The following ZDHHC21 variants were observed in gnomAD, a reference collection of about 807,000 sequenced individuals.
The protein encoded by ZDHHC21 is zDHHC palmitoyltransferase 21.
A neutral mutation model predicts 34.6 loss-of-function variants in ZDHHC21; 15 were observed. The observed-to-expected ratio is 0.43, with a 90% CI of 0.29 to 0.67. The LOEUF (loss-of-function observed/expected upper bound fraction) is 0.67, where lower values mean the gene tolerates loss of function less well. Among genes scored for constraint, ZDHHC21 ranks in the 30% least tolerant of loss-of-function variants. The probability of loss-of-function intolerance (pLI) is 0.14; values close to 1 mark genes in which losing one functional copy is unlikely to be tolerated. For missense variants in ZDHHC21, 344 were observed against 327.7 expected (o/e 1.05, Z -0.38); for synonymous variants, 142 against 101.8 (o/e 1.40, Z -2.38).
At chr9:14,635,816 G>A (rs922657743) in intron 8 of ZDHHC21, among the ~76,000 whole-genome samples, 6 of 152,070 alleles carry the variant, frequency 3.9e-5, no homozygotes, top group African/African-American at 7.2e-5. Context: ...AGCCGAGATC[G>A]CAATGCTGCA....
At chr9:14,669,796 T>C (rs186713817) in intron 5 of ZDHHC21, among the ~76,000 whole-genome samples, 7,722 of 142,656 alleles carry the variant, frequency 0.054, 268 homozygotes, top group Admixed American at 0.12. Flanking sequence ...TAGGTGGGAA[T>C]TGAACAATGA....
At chr9:14,650,151 C>T (rs1359027138) in intron 7 of ZDHHC21, among the ~76,000 whole-genome samples, 1 of 151,882 alleles carries the variant, frequency 6.6e-6, no homozygotes, top group Non-Finnish European at 1.5e-5. Context: ...CCATCTCTCA[C>T]TAAAAGCGTA....
At chr9:14,660,426 T>C (rs1833171559) in intron 6 of ZDHHC21, among the ~76,000 whole-genome samples, 1 of 139,250 alleles carries the variant, frequency 7.2e-6, no homozygotes, top group Admixed American at 7.0e-5. Flanking sequence ...CAGAAAACCT[T>C]GAGGCAACGT....
At chr9:14,622,549 C>CCAGT (rs1825490025) in intron 8 of ZDHHC21, 1 of 985,112 alleles carries the variant, frequency 1.0e-6, no homozygotes. Flanking sequence ...ACCTGAGAAC[C>CCAGT]CAGTCCTCTT....
At chr9:14,661,911 T>A (rs985073965) in intron 6 of ZDHHC21, among the ~76,000 whole-genome samples, 2 of 152,212 alleles carry the variant, frequency 1.3e-5, no homozygotes, top group South Asian at 4.1e-4. Context: ...TTGTCAGATA[T>A]TGTAGTAAAT....
At chr9:14,633,040 C>T (rs999637102) in intron 8 of ZDHHC21, among the ~76,000 whole-genome samples, 1 of 152,130 alleles carries the variant, frequency 6.6e-6, no homozygotes, top group Non-Finnish European at 1.5e-5. Context: ...TTCCATTAGA[C>T]TCAGCAATTC....
chr9:14,664,345 C>T (rs1321893858), intron 5 of ZDHHC21, among the ~76,000 whole-genome samples: 2 of 151,984 alleles, frequency 1.3e-5, no homozygotes, highest in African/African-American at 4.8e-5. Context: ...CCACACCTGG[C>T]TCGGAGGGTC....
rs921870705 is a variant in ZDHHC21 at position 14,617,285 on chromosome 9, G to A, written c.*1681C>T. 3.3e-5 allele frequency: 5 copies of A among 151,716 alleles called. No homozygotes were observed. Among genetic ancestry groups the A allele is most frequent in the Non-Finnish European group, 4.4e-5 (3 of 67,826 alleles). 9.4% of individuals were successfully genotyped at this position (151,716 alleles called of 1,614,324 possible). On this transcript the variant is annotated 3_prime_UTR_variant, in exon 10 of 10. Coordinates refer to ENST00000380916, the MANE Select transcript of ZDHHC21 (RefSeq NM_178566.6). Reference sequence around the variant, plus strand: ...CTTTTCAGTACCAATAAATATGTTCGTCTGCTGTATTTCTGTTCGTATTTC... The same window carrying A: ...CTTTTCAGTACCAATAAATATGTTCATCTGCTGTATTTCTGTTCGTATTTC...
At chr9:14,643,420 T>C (rs1260049769) in intron 7 of ZDHHC21, among the ~76,000 whole-genome samples, 2 of 152,214 alleles carry the variant, frequency 1.3e-5, no homozygotes, top group Admixed American at 6.5e-5. Context: ...ATTTTGGATA[T>C]TGCTATGTTT....
rs141870402 is a variant in ZDHHC21, at chr9:14,626,517, T to A, written c.622-6835A>T. On this transcript the variant is annotated intron_variant, in intron 8 of 9. Coordinates refer to ENST00000380916, the MANE Select transcript of ZDHHC21 (RefSeq NM_178566.6). Reference sequence around the variant, plus strand: ...TCTTTTTAATTAGTTTTATCAAAAATACTTACAAGCAGTTTATTACACTGA... The same window carrying A: ...TCTTTTTAATTAGTTTTATCAAAAAAACTTACAAGCAGTTTATTACACTGA... 9.1e-3 allele frequency among the ~76,000 whole-genome samples: 1,387 copies of A among 151,592 alleles called. 12 individuals are homozygous for A. Among genetic ancestry groups the A allele is most frequent in the Non-Finnish European group, 0.012 (804 of 67,804 alleles).
the ZDHHC21 span, among the ~76,000 whole-genome samples, chr9:14,597,000 T>C: frequency 6.6e-6 from 1 of 152,066 alleles, no homozygotes; most frequent in African/African-American, 2.4e-5. Flanking sequence ...AAAAGGTAAG[T>C]GAGAGATCCC....
intron 8 of ZDHHC21, among the ~76,000 whole-genome samples, chr9:14,629,481 G>A (rs529261712): frequency 5.3e-5 from 8 of 152,150 alleles, no homozygotes; most frequent in South Asian, 2.1e-4. Flanking sequence ...ACAATGAAGC[G>A]AGTATTGCAA....
chr9:14,649,448 C>T (rs1378757830), intron 7 of ZDHHC21, among the ~76,000 whole-genome samples: 1 of 151,902 alleles, frequency 6.6e-6, no homozygotes, highest in Non-Finnish European at 1.5e-5. Context: ...CCCATGATAC[C>T]TGTATGGGTA....
the ZDHHC21 span, among the ~76,000 whole-genome samples, chr9:14,591,335 T>C: frequency 1.3e-5 from 2 of 152,100 alleles, no homozygotes; most frequent in Non-Finnish European, 2.9e-5. Context: ...GATTAGTGCC[T>C]TATTAGAGGA....
chr9:14,605,460 C>T, the ZDHHC21 span, among the ~76,000 whole-genome samples: 2 of 152,172 alleles, frequency 1.3e-5, no homozygotes, highest in African/African-American at 4.8e-5. Flanking sequence ...CCTTCACGTA[C>T]CTGTTGGTCA....
chr9:14,609,315 C>T (rs934514643), downstream of ZDHHC21, among the ~76,000 whole-genome samples: 5 of 152,106 alleles, frequency 3.3e-5, no homozygotes, highest in African/African-American at 1.2e-4. Context: ...ACTTGTGTGA[C>T]TGTTTGAGTT....
At chr9:14,688,099 G>C (rs1587499989) in intron 2 of ZDHHC21, among the ~76,000 whole-genome samples, 1 of 140,940 alleles carries the variant, frequency 7.1e-6, no homozygotes, top group East Asian at 2.0e-4. Flanking sequence ...TAGATATTCA[G>C]TTGATTATCA....
chr9:14,605,578 A>G, the ZDHHC21 span, among the ~76,000 whole-genome samples: 2,601 of 152,072 alleles, frequency 0.017, 76 homozygotes, highest in African/African-American at 0.059. Flanking sequence ...CTCGTTTTGT[A>G]TTTTGATTAA....
chr9:14,633,443 C>G, intron 8 of ZDHHC21, among the ~76,000 whole-genome samples: 1 of 152,154 alleles, frequency 6.6e-6, no homozygotes, highest in Non-Finnish European at 1.5e-5. Flanking sequence ...CTAATGGGAG[C>G]TACCTGGAGA....
Sources: gnomAD v4.1 joint callset for allele counts (sites outside exome capture counted in the v4.1 genomes callset) on GRCh38, gnomAD v4.1.1 for gene constraint, MANE v1.5 for transcripts, NCBI Gene and HGNC (gene_info 2026-07-23, HGNC 2026-07-21) for gene names.